The following KIAA1549 variants were observed in gnomAD, a reference collection of about 807,000 sequenced individuals.
KIAA1549 encodes the protein KIAA1549, also known as UPF0606 protein KIAA1549.
KIAA1549 carries 70 observed loss-of-function variants against 156.4 expected under a neutral mutation model. The ratio of observed to expected loss-of-function variants is 0.45; its 90% confidence interval spans 0.37 to 0.55. The LOEUF (loss-of-function observed/expected upper bound fraction) is 0.55. KIAA1549 is among the 20% of genes least tolerant of loss of function. KIAA1549 has a pLI of 0.00. For synonymous variants in KIAA1549, 1,103 were observed against 1,066.4 expected (o/e 1.03, Z -0.67); for missense variants, 2,428 against 2,540.9 (o/e 0.96, Z 0.96).
At chr7:138,976,658 T>G (rs1814389989) in intron 1 of KIAA1549, among the ~76,000 whole-genome samples, 1 of 152,232 alleles carries the variant, frequency 6.6e-6, no homozygotes, top group African/African-American at 2.4e-5. Flanking sequence ...ATATACAGAC[T>G]TCAGTACTAC....
Position 138,837,891 on chromosome 7 carries a change from G to C in KIAA1549, c.*15C>G, listed in dbSNP as rs372939072. The C allele has an allele frequency of 3.1e-6, 5 of 1,610,724 alleles. No individual in the cohort carries two copies. Among genetic ancestry groups the C allele is most frequent in the East Asian group, 4.5e-5 (2 of 44,848 alleles). On this transcript the variant is annotated 3_prime_UTR_variant, in exon 20 of 20. Coordinates refer to ENST00000422774, the MANE Select transcript of KIAA1549 (RefSeq NM_001164665.2). ...CAGGAAGCGGATACTTGGCAAATCT[G>C]CGAGGCGAGGCCGATCAGCTGTGGA...
chr7:138,954,854 G>C (rs995309964), intron 1 of KIAA1549, among the ~76,000 whole-genome samples: 1 of 152,162 alleles, frequency 6.6e-6, no homozygotes, highest in African/African-American at 2.4e-5. Context: ...AGAAGGCAGG[G>C]AAAGAAAAGC....
At chr7:138,892,894 C>CT (rs763308963) in intron 10 of KIAA1549, among the ~76,000 whole-genome samples, 2 of 152,240 alleles carry the variant, frequency 1.3e-5, no homozygotes, top group East Asian at 3.9e-4. Context: ...TTTTATCAAG[C>CT]TTTTAAAGCA....
chr7:138,844,308 C>A lies in KIAA1549; in HGVS notation c.5452+9G>T, dbSNP rs1810005862. On this transcript the variant is annotated intron_variant, in intron 18 of 19. Transcript: ENST00000422774. The stretch of plus-strand genomic sequence containing the variant: ...AGCTCAGAAATGGAAGCTAAACAGC[C>A]ACATATACCTGTGGTACCCCCGACA... The A allele has an allele frequency of 1.2e-6, 2 of 1,613,760 alleles. No individual in the cohort carries two copies. Among genetic ancestry groups the A allele is most frequent in the African/African-American group, 2.7e-5 (2 of 74,926 alleles).
At chr7:138,840,392 AG>A in intron 18 of KIAA1549, 114 bp from the exon 19 acceptor site, 1 of 900,876 alleles carries the variant, frequency 1.1e-6, no homozygotes, top group Admixed American at 2.6e-5. Flanking sequence ...CTTAATGACA[AG>A]GGATCAGGAC....
chr7:138,922,002 C>T (rs987856993), intron 1 of KIAA1549, among the ~76,000 whole-genome samples: 3 of 152,190 alleles, frequency 2.0e-5, no homozygotes, highest in African/African-American at 4.8e-5. Context: ...CAGCAAATCA[C>T]CAGCAGCTAG....
At chr7:138,976,461 G>A (rs190667432) in intron 1 of KIAA1549, among the ~76,000 whole-genome samples, 5 of 152,300 alleles carry the variant, frequency 3.3e-5, no homozygotes, top group East Asian at 3.9e-4. Flanking sequence ...TTCGGATACC[G>A]GAGGACAACT....
In KIAA1549 at chr7:138,947,655, A is replaced by C. The variant is rs143507917; in HGVS notation, c.188-28217T>G. ...TAACCTCATAATTACACTTGCTAACATCTGAAGGCAAAACCAAACTTTTCT... is the reference window on the plus strand; with the variant it reads ...TAACCTCATAATTACACTTGCTAACCTCTGAAGGCAAAACCAAACTTTTCT... On this transcript the variant is annotated intron_variant, in intron 1 of 19. Transcript: ENST00000422774. Among the ~76,000 whole-genome samples, 785 of 152,378 alleles carry C rather than the reference A, an allele frequency of 5.2e-3. 12 individuals are homozygous for C. The highest frequency in any genetic ancestry group is 0.018 in the African/African-American group (739 of 41,592).
intron 13 of KIAA1549, among the ~76,000 whole-genome samples, chr7:138,870,264 G>A (rs1810888928): frequency 6.6e-6 from 1 of 151,886 alleles, no homozygotes; most frequent in African/African-American, 2.4e-5. Flanking sequence ...ACAGACCAGG[G>A]AGGAGCAGAG....
chr7:138,948,201 A>G (rs908221621), intron 1 of KIAA1549, among the ~76,000 whole-genome samples: 41 of 152,328 alleles, frequency 2.7e-4, no homozygotes, highest in African/African-American at 8.4e-4. Context: ...AGGGGCAATC[A>G]AGGTAAAGTG....
rs377595061 is a variant in KIAA1549 at position 138,908,998 on chromosome 7, G to T, written c.3269C>A (p.Thr1090Lys). 3.4e-4 allele frequency: 547 copies of T among 1,613,954 alleles called. 8 individuals are homozygous for T. The South Asian group carries it at 5.4e-3, about 16-fold the overall frequency. ...ATTCAGTGATATTCTCACCTGCACC[G>T]TGAGGTTATACGTTCCCTGGTGGTG... is the stretch of plus-strand genomic sequence containing the variant. The part of the protein sequence containing the change: ...RKHHQGTYNL[T>K]VQILNITISS... Residue 1090 changes from threonine to lysine, a missense_variant, in exon 5 of 20, where the codon ACG becomes AAG. Physicochemically the swap from Thr to Lys is moderately conservative, Grantham distance 78 (BLOSUM62 -1). Coordinates refer to ENST00000422774, the MANE Select transcript of KIAA1549 (RefSeq NM_001164665.2).
intron 8 of KIAA1549, among the ~76,000 whole-genome samples, chr7:138,902,609 A>C (rs1811873351): frequency 6.6e-6 from 1 of 152,110 alleles, no homozygotes; most frequent in Admixed American, 6.5e-5. Context: ...GTCTTTTGTA[A>C]CCTGTCTGCC....
rs1467100522 is a variant in KIAA1549, at chr7:138,840,167, G to A, written c.5564C>T (p.Ser1855Leu). 9.0e-6 allele frequency: 14 copies of A among 1,556,396 alleles called. No homozygotes were observed. The highest frequency in any genetic ancestry group is 3.9e-5 in the Admixed American group (2 of 51,212). Residue 1855 changes from serine to leucine, a missense_variant, in exon 19 of 20, where the codon TCG becomes TTG. By Grantham distance (145) the Ser-to-Leu change is moderately radical. Around this residue, in one of 5 missense-constraint regions of KIAA1549, gnomAD observed 363 missense variants for 354.0 expected, o/e 1.03. Transcript: ENST00000422774. Reference protein sequence around the residue: ...GSQYGGPGWPSYGEDEAGRRE... With the variant: ...GSQYGGPGWPLYGEDEAGRRE... ...TCGCCCCGCTTCGTCCTCCCCGTACGAAGGCCAGCCTGGCCCCCCATACTG... is the reference window on the plus strand; with the variant it reads ...TCGCCCCGCTTCGTCCTCCCCGTACAAAGGCCAGCCTGGCCCCCCATACTG...
In KIAA1549 at chr7:138,918,126, G is replaced by A. The variant is rs2130480714; in HGVS notation, c.1500C>T (p.Ile500=). 6 of 1,613,988 alleles carry A rather than the reference G, an allele frequency of 3.7e-6. No individual in the cohort carries two copies. In the East Asian group the frequency reaches 1.3e-4, roughly 36 times the overall value. The change falls in exon 2 of 20, where the codon ATC becomes ATT. Residue 500 remains isoleucine (I), a synonymous_variant. Coordinates refer to ENST00000422774, the MANE Select transcript of KIAA1549 (RefSeq NM_001164665.2). This position sits in a 1 kb window ranked among gnomAD's most constrained non-coding sequence, Gnocchi z 4.2. ...IVPLSSRSME[I]SETSVGISAE... ...CAGAAATGCCAACACTCGTCTCTGA[G>A]ATTTCCATGGATCTAGAAGAAAGTG... is the stretch of plus-strand genomic sequence containing the variant.
chr7:138,870,072 A>T (rs1810883555), intron 13 of KIAA1549, among the ~76,000 whole-genome samples: 1 of 151,784 alleles, frequency 6.6e-6, no homozygotes, highest in Admixed American at 6.6e-5. Flanking sequence ...GCTGGTCTCG[A>T]ACTCCTGACC....
chr7:138,936,442 T>C (rs1441403792), intron 1 of KIAA1549, among the ~76,000 whole-genome samples: 1 of 152,100 alleles, frequency 6.6e-6, no homozygotes, highest in Non-Finnish European at 1.5e-5. Context: ...AATGACCCGC[T>C]CAGAGCCCTG....
chr7:138,849,280 T>C (rs577220521), intron 17 of KIAA1549, among the ~76,000 whole-genome samples: 1 of 152,184 alleles, frequency 6.6e-6, no homozygotes, highest in African/African-American at 2.4e-5. Flanking sequence ...TTTCCTTCCA[T>C]CTACTTCCTT....
chr7:138,919,180 T>A lies in KIAA1549; in HGVS notation c.446A>T (p.Glu149Val). 1 of 1,614,004 alleles carries A rather than the reference T, an allele frequency of 6.2e-7. No individual in the cohort carries two copies. The highest frequency in any genetic ancestry group is 8.5e-7 in the Non-Finnish European group (1 of 1,179,898). ...VATYVSVTSK[E>V]VAVNDDEMDN... Reference sequence around the variant, plus strand: ...CATCTCATCGTCATTGACGGCCACCTCTTTACTCGTCACTGACACGTAAGT... The same window carrying A: ...CATCTCATCGTCATTGACGGCCACCACTTTACTCGTCACTGACACGTAAGT... The change falls in exon 2 of 20, where the codon GAG becomes GTG. Residue 149 changes from glutamate to valine, a missense_variant. By Grantham distance (121) the Glu-to-Val change is moderately radical. This residue lies in a region of KIAA1549 where 893 missense variants were observed against 847.9 expected (regional missense o/e 1.05). Transcript: ENST00000422774.
At chr7:138,856,546 C>G (rs1172077307) in intron 16 of KIAA1549, among the ~76,000 whole-genome samples, 1 of 152,156 alleles carries the variant, frequency 6.6e-6, no homozygotes, top group Non-Finnish European at 1.5e-5. Flanking sequence ...AACCATTCTT[C>G]ACTCTAAAAT....
Sources: allele counts gnomAD v4.1 joint callset (sites outside exome capture counted in the v4.1 genomes callset), GRCh38; gene constraint gnomAD v4.1.1; regional missense constraint gnomAD v4.1.1; non-coding constraint Gnocchi (gnomAD v3.1); transcripts MANE v1.5; gene names NCBI Gene and HGNC (gene_info 2026-07-23, HGNC 2026-07-21).